Variants in NPAS3 observed in about 807,000 individuals in gnomAD.
The protein encoded by NPAS3 is neuronal PAS domain-containing protein 3.
In NPAS3, 14 loss-of-function variants were observed where a neutral mutation model predicts 73.1. That is an observed-to-expected ratio of 0.19 (90% CI 0.13 to 0.30). The LOEUF is 0.30. Ranked by LOEUF, NPAS3 falls within the 10% of genes least tolerant of loss-of-function variation. The pLI is 1.00. For synonymous variants in NPAS3, 620 were observed against 541.5 expected (o/e 1.14, Z -2.01); for missense variants, 1,096 against 1,250.0 (o/e 0.88, Z 1.86).
At chr14:33,201,607 C>A (rs143342309) in intron 2 of NPAS3, among the ~76,000 whole-genome samples, 2 of 152,210 alleles carry the variant, frequency 1.3e-5, no homozygotes, top group Admixed American at 6.5e-5. Context: ...CGTCCTGTGA[C>A]AGGCAGGCAA....
chr14:33,072,360 A>G (rs548973817), intron 2 of NPAS3, among the ~76,000 whole-genome samples: 2 of 152,364 alleles, frequency 1.3e-5, no homozygotes, highest in Admixed American at 1.3e-4. Context: ...TTCTAGTATT[A>G]TCACAGAGCA....
At position 33,290,811 on chromosome 14, in the gene NPAS3, G is replaced by A. The variant is rs943764191; in HGVS notation, c.385+75385G>A. Among the ~76,000 whole-genome samples, 29 of 152,182 alleles carry A rather than the reference G, an allele frequency of 1.9e-4. 1 individual carries two copies. The highest frequency in any genetic ancestry group is 7.0e-4 in the African/African-American group (29 of 41,440). On this transcript the variant is annotated intron_variant, in intron 3 of 11. Coordinates refer to ENST00000356141, the Ensembl canonical transcript of NPAS3. Reference sequence around the variant, plus strand: ...TGGGAACTTGATATTTCTGCTCCAGGCACCAGAGAATAGAACTCGGCAGCA... The same window carrying A: ...TGGGAACTTGATATTTCTGCTCCAGACACCAGAGAATAGAACTCGGCAGCA...
intron 3 of NPAS3, among the ~76,000 whole-genome samples, chr14:33,277,660 G>A (rs1162495867): frequency 2.6e-5 from 4 of 152,166 alleles, no homozygotes; most frequent in African/African-American, 7.2e-5. Flanking sequence ...ACAGATCCCT[G>A]AGAAGAGGCC....
At chr14:33,679,748 A>G (rs1446024043) in intron 6 of NPAS3, among the ~76,000 whole-genome samples, 3 of 152,360 alleles carry the variant, frequency 2.0e-5, no homozygotes, top group East Asian at 1.9e-4. Context: ...CCTAAGAGGC[A>G]GTGATACTAT....
rs141857353 is a variant in NPAS3, at chr14:33,735,839, C to T, written c.852+507C>T. On this transcript the variant is annotated intron_variant, in intron 7 of 11. Coordinates refer to ENST00000356141, the Ensembl canonical transcript of NPAS3. ...GAATTTCAAAACTGTATTTATGGAA[C>T]GTGCAGTCACACCTTAGCATTCATA... Among the ~76,000 whole-genome samples the T allele has an allele frequency of 3.9e-3, 592 of 151,966 alleles. 19 individuals are homozygous for T. The highest frequency in any genetic ancestry group is 0.033 in the Admixed American group (509 of 15,222).
intron 7 of NPAS3, among the ~76,000 whole-genome samples, chr14:33,756,473 A>G (rs142137781): frequency 1.3e-5 from 2 of 152,358 alleles, no homozygotes; most frequent in Middle Eastern, 3.4e-3. Context: ...GGATCAAAAT[A>G]GCAATTGGGA....
At chr14:33,436,974 C>A (rs1158408142) in intron 4 of NPAS3, among the ~76,000 whole-genome samples, 4 of 152,162 alleles carry the variant, frequency 2.6e-5, no homozygotes, top group Non-Finnish European at 5.9e-5. Context: ...GCCCACACTA[C>A]CCCTACAATT....
intron 2 of NPAS3, among the ~76,000 whole-genome samples, chr14:33,188,780 G>C (rs2046069648): frequency 6.6e-6 from 1 of 152,158 alleles, no homozygotes; most frequent in South Asian, 2.1e-4. Context: ...GAAGCGATAA[G>C]ATGAATATTC....
At chr14:33,286,417 T>A (rs1227442195) in intron 3 of NPAS3, among the ~76,000 whole-genome samples, 2 of 152,220 alleles carry the variant, frequency 1.3e-5, no homozygotes, top group South Asian at 2.1e-4. Context: ...TAATCATAGT[T>A]GTTTTAAAAA....
intron 1 of NPAS3, among the ~76,000 whole-genome samples, chr14:32,943,598 A>G (rs1361634286): frequency 6.6e-6 from 1 of 152,130 alleles, no homozygotes; most frequent in Non-Finnish European, 1.5e-5. Context: ...GGCTTCTGTA[A>G]AGCAACACTT....
At chr14:33,801,140 C>T, downstream of NPAS3, 4 of 1,547,698 alleles carry the variant, frequency 2.6e-6, no homozygotes, top group Non-Finnish European at 3.5e-6. Context: ...CGGCCAGGCC[C>T]CGCTTGGAGG....
intron 3 of NPAS3, among the ~76,000 whole-genome samples, chr14:33,340,002 T>C (rs1382535341): frequency 2.0e-5 from 3 of 152,234 alleles, no homozygotes; most frequent in Non-Finnish European, 4.4e-5. Context: ...AACTATTTTC[T>C]TTCCATCTGA....
At chr14:33,307,468 G>A (rs953844011) in intron 3 of NPAS3, among the ~76,000 whole-genome samples, 2 of 152,066 alleles carry the variant, frequency 1.3e-5, no homozygotes, top group African/African-American at 4.8e-5. Context: ...GTAATTAGGG[G>A]TGGAAAAAGC....
chr14:33,609,319 T>C (rs1449831798), intron 5 of NPAS3, among the ~76,000 whole-genome samples: 1 of 152,158 alleles, frequency 6.6e-6, no homozygotes, highest in African/African-American at 2.4e-5. Flanking sequence ...AATACAAAAA[T>C]GTTGTTGGTG....
At chr14:33,632,465 AT>A (rs2058406325) in intron 5 of NPAS3, among the ~76,000 whole-genome samples, 1 of 152,212 alleles carries the variant, frequency 6.6e-6, no homozygotes, top group South Asian at 2.1e-4. Context: ...AAAAATGCGA[AT>A]TGCTAAAAAG....
chr14:33,171,094 G>A (rs1047156661), intron 2 of NPAS3, among the ~76,000 whole-genome samples: 2 of 152,166 alleles, frequency 1.3e-5, no homozygotes, highest in Non-Finnish European at 2.9e-5. Context: ...CTGCAGAATG[G>A]ATGCTGTGTT....
At chr14:33,720,456 C>T (rs904551526) in intron 6 of NPAS3, among the ~76,000 whole-genome samples, 7 of 152,146 alleles carry the variant, frequency 4.6e-5, no homozygotes, top group Admixed American at 6.5e-5. Context: ...TTGATTGCTA[C>T]GTGGGTCAGG....
At chr14:33,753,358 T>TAAAAAAAAAAAAAAAAA (rs34619014) in intron 7 of NPAS3, among the ~76,000 whole-genome samples, 1 of 129,440 alleles carries the variant, frequency 7.7e-6, no homozygotes, top group African/African-American at 2.8e-5. Flanking sequence ...GTTAAATTGA[T>TAAAAAAAAAAAAAAAAA]AAAAAAAAAA....
intron 5 of NPAS3, among the ~76,000 whole-genome samples, chr14:33,565,118 G>A (rs2055861587): frequency 6.6e-6 from 1 of 152,220 alleles, no homozygotes; most frequent in Non-Finnish European, 1.5e-5. Context: ...GGTGGCTGCA[G>A]ATTATAATAA....
Sources: allele counts gnomAD v4.1 joint callset (sites outside exome capture counted in the v4.1 genomes callset), GRCh38; gene constraint gnomAD v4.1.1; transcripts MANE v1.5; gene names NCBI Gene and HGNC (gene_info 2026-07-23, HGNC 2026-07-21).